The following IQGAP2 variants were observed in gnomAD, a reference collection of about 807,000 sequenced individuals.
The protein encoded by IQGAP2 is ras GTPase-activating-like protein IQGAP2.
A neutral mutation model predicts 201.3 loss-of-function variants in IQGAP2; 173 were observed. The ratio of observed to expected loss-of-function variants is 0.86; its 90% confidence interval spans 0.76 to 0.98. IQGAP2 has a LOEUF of 0.98. Among genes scored for constraint, IQGAP2 ranks in the 50% least tolerant of loss-of-function variants. IQGAP2 has a pLI of 0.00. For missense variants in IQGAP2, 1,687 were observed against 1,864.8 expected (o/e 0.90, Z 1.76); for synonymous variants, 675 against 673.9 (o/e 1.00, Z -0.03).
At chr5:76,482,247 A>G (rs1268012437) in intron 2 of IQGAP2, among the ~76,000 whole-genome samples, 1 of 152,230 alleles carries the variant, frequency 6.6e-6, no homozygotes, top group Non-Finnish European at 1.5e-5. Flanking sequence ...TGGTGATTCC[A>G]GCCACCTCAG....
At chr5:76,448,365 T>C (rs910587091) in intron 1 of IQGAP2, among the ~76,000 whole-genome samples, 1 of 152,206 alleles carries the variant, frequency 6.6e-6, no homozygotes, top group African/African-American at 2.4e-5. Context: ...CTTATTCATG[T>C]AGCAAGGTCT....
Position 76,693,428 on chromosome 5 carries a change from G to C in IQGAP2, c.3979G>C (p.Ala1327Pro). ...NTLTEILETP[A>P]TAQQEVDHAT... is the part of the protein sequence containing the mutation. ...ATTGACAGAAATCTTAGAGACACCA[G>C]CAACTGCGCAACAGGTAATTTGACT... Residue 1327 changes from alanine to proline, a missense_variant, in exon 31 of 36, where the codon GCA (alanine) becomes CCA (proline). Ala to Pro is a conservative substitution (Grantham distance 27). Coordinates refer to ENST00000274364, the MANE Select transcript of IQGAP2 (RefSeq NM_006633.5). 6.2e-7 allele frequency: 1 copy of C among 1,606,794 alleles called. No individual in the cohort carries two copies. The highest frequency in any genetic ancestry group is 2.2e-5 in the East Asian group (1 of 44,830).
At chr5:76,479,354 G>A (rs564760955) in intron 2 of IQGAP2, among the ~76,000 whole-genome samples, 3 of 152,248 alleles carry the variant, frequency 2.0e-5, no homozygotes, top group Admixed American at 2.0e-4. Flanking sequence ...CTGTGCTTTT[G>A]TCTAGAGAGG....
At chr5:76,695,121 C>T (rs745830773) in intron 31 of IQGAP2, among the ~76,000 whole-genome samples, 2 of 152,130 alleles carry the variant, frequency 1.3e-5, no homozygotes, top group East Asian at 3.9e-4. Flanking sequence ...GTTTTAGTTT[C>T]CTCAGCTAGC....
chr5:76,600,732 G>T, intron 10 of IQGAP2, 80 bp from the exon 11 acceptor site: 1 of 1,500,470 alleles, frequency 6.7e-7, no homozygotes, highest in South Asian at 1.2e-5. Flanking sequence ...GTTGTTTGTT[G>T]AAATGTGCAT....
Position 76,707,327 on chromosome 5 carries a change from A to T in IQGAP2, c.*14A>T, listed in dbSNP as rs778056569. On this transcript the variant is annotated 3_prime_UTR_variant, in exon 36 of 36. Coordinates refer to ENST00000274364, the MANE Select transcript of IQGAP2 (RefSeq NM_006633.5). The stretch of plus-strand genomic sequence containing the variant: ...TATGGAAAGTGAAGTGCCTACAGAA[A>T]TTTCTTGGATTCTGTATCATCTGGA... The T allele has an allele frequency of 1.3e-5, 15 of 1,120,878 alleles. No homozygotes were observed. Among genetic ancestry groups the T allele is most frequent in the Middle Eastern group, 2.0e-4 (1 of 5,086 alleles). 69.4% of individuals were successfully genotyped at this position (1,120,878 alleles called of 1,614,324 possible).
intron 13 of IQGAP2, among the ~76,000 whole-genome samples, chr5:76,626,665 C>T (rs1300113337): frequency 6.6e-6 from 1 of 152,166 alleles, no homozygotes; most frequent in Admixed American, 6.5e-5. Context: ...GTCTCTGTGT[C>T]TGATAAATAT....
In IQGAP2 at chr5:76,641,080, G is replaced by A. The variant is rs1209704821; in HGVS notation, c.2071G>A (p.Glu691Lys). Residue 691 changes from glutamate to lysine, a missense_variant, in exon 17 of 36, where the codon GAA (glutamate) becomes AAA (lysine). By Grantham distance (56) the Glu-to-Lys change is moderately conservative. Coordinates refer to ENST00000274364, the MANE Select transcript of IQGAP2 (RefSeq NM_006633.5). ...EARKSFLHEQ[E>K]ENVVKIQAFW... ...TAGAAAATCATTTTTGCATGAACAA[G>A]AAGAGAATGTGGTCAAAATACAGGT... is the stretch of plus-strand genomic sequence containing the variant. The A allele has an allele frequency of 2.5e-6, 4 of 1,603,064 alleles. No individual in the cohort carries two copies. In the East Asian group the frequency reaches 6.7e-5, roughly 27 times the overall value.
At chr5:76,440,566 T>C (rs1752968914) in intron 1 of IQGAP2, among the ~76,000 whole-genome samples, 2 of 152,170 alleles carry the variant, frequency 1.3e-5, no homozygotes, top group South Asian at 4.1e-4. Context: ...GACTTACAAA[T>C]ACCAGAACTT....
At chr5:76,668,647 T>A in intron 22 of IQGAP2, 34 bp from the exon 23 acceptor site, 2 of 1,562,912 alleles carry the variant, frequency 1.3e-6, no homozygotes, top group Non-Finnish European at 1.7e-6. Context: ...TTTTGTGGGA[T>A]TTTTTTGTTT....
chr5:76,488,846 G>T (rs543290797), intron 2 of IQGAP2, among the ~76,000 whole-genome samples: 27 of 152,252 alleles, frequency 1.8e-4, no homozygotes, highest in Non-Finnish European at 3.4e-4. Context: ...TGGTGTGCGG[G>T]CTTGGGAAGG....
intron 33 of IQGAP2, 116 bp from the exon 34 acceptor site, chr5:76,700,960 C>T (rs1747325202): frequency 4.0e-6 from 4 of 1,006,938 alleles, no homozygotes; most frequent in Non-Finnish European, 4.4e-6. Context: ...AGTGTATATT[C>T]AGCGCTCTGA....
chr5:76,592,393 C>T (rs1055029478), intron 8 of IQGAP2, among the ~76,000 whole-genome samples: 1 of 152,152 alleles, frequency 6.6e-6, no homozygotes, highest in Non-Finnish European at 1.5e-5. Flanking sequence ...TGATTATGAT[C>T]TCTTTGCAAA....
chr5:76,492,452 G>A (rs995065540), intron 2 of IQGAP2, among the ~76,000 whole-genome samples: 7 of 152,196 alleles, frequency 4.6e-5, no homozygotes, highest in Admixed American at 6.5e-5. Flanking sequence ...GTGAAGGAAC[G>A]AGGAGGAGCA....
intron 13 of IQGAP2, among the ~76,000 whole-genome samples, chr5:76,613,944 C>T (rs1321035099): frequency 5.3e-5 from 8 of 152,162 alleles, no homozygotes; most frequent in Admixed American, 4.6e-4. Flanking sequence ...CCACCTGCCT[C>T]GGCCTCCCAA....
Position 76,473,288 on chromosome 5 carries a change from A to G in IQGAP2, c.146+11619A>G, listed in dbSNP as rs1755224375. 3.4e-5 allele frequency among the ~76,000 whole-genome samples: 4 copies of G among 117,466 alleles called. No homozygotes were observed. In the South Asian group the frequency reaches 1.1e-3, roughly 32 times the overall value. The allele number at this position is 117,466 out of a possible 152,430, so 77.1% of individuals were successfully genotyped here. ...TCACTTAAGCTTTGGTGGAATTAGC[A>G]CAATATAGCTATCCATTGGCTATAT... On this transcript the variant is annotated intron_variant, in intron 2 of 35. Coordinates refer to ENST00000274364, the MANE Select transcript of IQGAP2 (RefSeq NM_006633.5).
chr5:76,701,605 T>A (rs565073662), intron 34 of IQGAP2: 1 of 175,816 alleles, frequency 5.7e-6, no homozygotes, highest in East Asian at 1.6e-4. Context: ...ATGCTGTGAG[T>A]GTGTGTATTC....
intron 1 of IQGAP2, among the ~76,000 whole-genome samples, chr5:76,446,171 TC>T (rs1224264861): frequency 1.3e-5 from 2 of 152,146 alleles, no homozygotes; most frequent in East Asian, 1.9e-4. Context: ...TCTGCTGGAG[TC>T]CCAGCTTTCG....
chr5:76,541,420 A>G (rs1742763174), intron 2 of IQGAP2, among the ~76,000 whole-genome samples: 1 of 152,140 alleles, frequency 6.6e-6, no homozygotes, highest in African/African-American at 2.4e-5. Flanking sequence ...CATTTTGTTT[A>G]TCTATTCATC....
Sources: allele counts gnomAD v4.1 joint callset (sites outside exome capture counted in the v4.1 genomes callset), GRCh38; gene constraint gnomAD v4.1.1; transcripts MANE v1.5; gene names NCBI Gene and HGNC (gene_info 2026-07-23, HGNC 2026-07-21).